ERC1: variants seen among roughly 807,000 people sequenced by gnomAD.
The protein encoded by ERC1 is ELKS/RAB6-interacting/CAST family member 1, also known as RAB6 interacting protein 2.
In ERC1, 56 loss-of-function variants were observed where a neutral mutation model predicts 132.0. That is an observed-to-expected ratio of 0.42 (90% CI 0.34 to 0.53). The LOEUF (loss-of-function observed/expected upper bound fraction) is 0.53, where lower values mean the gene tolerates loss of function less well. Ranked by LOEUF, ERC1 falls within the 20% of genes least tolerant of loss-of-function variation. The pLI is 0.03. For missense variants in ERC1, 1,202 were observed against 1,349.9 expected (o/e 0.89, Z 1.72); for synonymous variants, 478 against 476.1 (o/e 1.00, Z -0.05).
At chr12:1,273,542 A>G (rs1043317003) in intron 14 of ERC1, among the ~76,000 whole-genome samples, 2 of 152,202 alleles carry the variant, frequency 1.3e-5, no homozygotes, top group South Asian at 2.1e-4. Context: ...AACAGTGGTA[A>G]TGTTTTATGT....
intron 12 of ERC1, among the ~76,000 whole-genome samples, chr12:1,221,597 G>T (rs1958992206): frequency 6.6e-6 from 1 of 152,064 alleles, no homozygotes; most frequent in African/African-American, 2.4e-5. Flanking sequence ...AGACAGTTAG[G>T]AATATGGTTC....
At chr12:1,319,481 G>A (rs570706389) in intron 15 of ERC1, among the ~76,000 whole-genome samples, 33 of 152,148 alleles carry the variant, frequency 2.2e-4, no homozygotes, top group African/African-American at 8.0e-4. Context: ...TCCTATTTAT[G>A]TACTAAGCTC....
intron 16 of ERC1, among the ~76,000 whole-genome samples, chr12:1,406,822 G>A (rs920274337): frequency 6.6e-6 from 1 of 152,112 alleles, no homozygotes; most frequent in African/African-American, 2.4e-5. Context: ...GCAGTGAGCA[G>A]TGATGATGCC....
intron 18 of ERC1, among the ~76,000 whole-genome samples, chr12:1,461,674 T>C (rs182795626): frequency 6.6e-6 from 1 of 151,930 alleles, no homozygotes; most frequent in African/African-American, 2.4e-5. Context: ...TCTCAAAAAA[T>C]AATAATAATA....
chr12:1,107,254 G>A (rs1945364306), intron 4 of ERC1, among the ~76,000 whole-genome samples: 1 of 152,040 alleles, frequency 6.6e-6, no homozygotes, highest in African/African-American at 2.4e-5. Context: ...GGAGGAACAG[G>A]GAAGAATGAC....
chr12:1,206,845 T>C (rs925199947), intron 12 of ERC1, among the ~76,000 whole-genome samples: 1 of 152,112 alleles, frequency 6.6e-6, no homozygotes, highest in African/African-American at 2.4e-5. Context: ...AACAAATGTT[T>C]AGAATATGTG....
At chr12:1,081,632 CAT>C (rs1265756814) in intron 2 of ERC1, among the ~76,000 whole-genome samples, 1 of 152,076 alleles carries the variant, frequency 6.6e-6, no homozygotes, top group East Asian at 1.9e-4. Flanking sequence ...AATAATAGTA[CAT>C]GTGTTGGGTA....
intron 16 of ERC1, among the ~76,000 whole-genome samples, chr12:1,375,048 C>T (rs1232282782): frequency 6.6e-6 from 1 of 152,052 alleles, no homozygotes; most frequent in East Asian, 1.9e-4. Flanking sequence ...CTTAAGGGAA[C>T]TCACAGGCTA....
intron 17 of ERC1, among the ~76,000 whole-genome samples, chr12:1,421,756 G>A (rs1006592288): frequency 5.3e-5 from 8 of 151,618 alleles, no homozygotes; most frequent in African/African-American, 1.5e-4. Flanking sequence ...AGTGGCTCAC[G>A]CCTGTAATCC....
At chr12:1,198,933 G>A (rs563907734) in intron 12 of ERC1, among the ~76,000 whole-genome samples, 2 of 146,264 alleles carry the variant, frequency 1.4e-5, no homozygotes, top group South Asian at 2.1e-4. Flanking sequence ...CCAACACTGG[G>A]GATCACAGTT....
chr12:1,486,614 G>C (rs1045295066), intron 18 of ERC1, among the ~76,000 whole-genome samples: 5 of 151,902 alleles, frequency 3.3e-5, no homozygotes, highest in Admixed American at 6.6e-5. Flanking sequence ...TAGTAGAGAC[G>C]GGGTTTTGCC....
intron 1 of ERC1, among the ~76,000 whole-genome samples, chr12:999,875 G>A (rs1415808655): frequency 5.9e-5 from 9 of 152,100 alleles, no homozygotes; most frequent in African/African-American, 1.7e-4. Flanking sequence ...GATTACAGGC[G>A]TGAGCCACTG....
At chr12:1,242,460 A>G (rs576751210) in intron 13 of ERC1, among the ~76,000 whole-genome samples, 8 of 152,322 alleles carry the variant, frequency 5.3e-5, no homozygotes, top group African/African-American at 1.9e-4. Context: ...TTACAACCAA[A>G]TTATTAAAGA....
intron 17 of ERC1, among the ~76,000 whole-genome samples, chr12:1,414,668 C>G (rs1311529588): frequency 6.6e-6 from 1 of 152,076 alleles, no homozygotes; most frequent in Non-Finnish European, 1.5e-5. Context: ...AAGTTTTCTT[C>G]TTTTTTCTTT....
chr12:1,276,447 C>T lies in ERC1; in HGVS notation c.2619+13282C>T, dbSNP rs151323806. Among the ~76,000 whole-genome samples the T allele has an allele frequency of 4.3e-3, 653 of 152,126 alleles. 10 individuals carry two copies. The highest frequency in any genetic ancestry group is 0.015 in the African/African-American group (625 of 41,478). Reference sequence around the variant, plus strand: ...TAGAGACGGGGTTTCGCTATGTTGACCAGGCTGGTCTCGAACTCCTGACCT... The same window carrying T: ...TAGAGACGGGGTTTCGCTATGTTGATCAGGCTGGTCTCGAACTCCTGACCT... On this transcript the variant is annotated intron_variant, in intron 14 of 18. Transcript: ENST00000360905.
chr12:1,205,325 G>A (rs1594208464), intron 12 of ERC1, among the ~76,000 whole-genome samples: 1 of 151,498 alleles, frequency 6.6e-6, no homozygotes, highest in Non-Finnish European at 1.5e-5. Context: ...TATCATATGT[G>A]TTTTACCTAG....
intron 15 of ERC1, among the ~76,000 whole-genome samples, chr12:1,349,847 C>G (rs1429626159): frequency 6.6e-6 from 1 of 152,104 alleles, no homozygotes; most frequent in Non-Finnish European, 1.5e-5. Context: ...TCCAGCTTTC[C>G]TAAACAAGAG....
intron 17 of ERC1, among the ~76,000 whole-genome samples, chr12:1,420,558 C>A (rs1180485185): frequency 6.6e-6 from 1 of 152,174 alleles, no homozygotes; most frequent in East Asian, 1.9e-4. Context: ...CGAGTTCACA[C>A]TGTTCTCCTG....
At chr12:1,013,586 C>T (rs1476936753) in intron 1 of ERC1, among the ~76,000 whole-genome samples, 1 of 152,050 alleles carries the variant, frequency 6.6e-6, no homozygotes, top group Non-Finnish European at 1.5e-5. Flanking sequence ...GTTTTAGTCT[C>T]TAGTCAGTAT....
Sources: gnomAD v4.1 joint callset for allele counts (sites outside exome capture counted in the v4.1 genomes callset) on GRCh38, gnomAD v4.1.1 for gene constraint, MANE v1.5 for transcripts, NCBI Gene and HGNC (gene_info 2026-07-23, HGNC 2026-07-21) for gene names.